XXYLT1: variants seen among roughly 807,000 people sequenced by gnomAD.
The protein encoded by XXYLT1 is UDP-xylose:alpha-xyloside alpha-1,3-xylosyltransferase.
Under a neutral mutation model 28.9 loss-of-function variants are expected in XXYLT1, and 20 were observed. The ratio of observed to expected loss-of-function variants is 0.69; its 90% confidence interval spans 0.49 to 1.00. XXYLT1 has a LOEUF of 1.00. Among genes scored for constraint, XXYLT1 ranks in the 50% least tolerant of loss-of-function variants. The probability of loss-of-function intolerance (pLI) is 0.00; values close to 1 mark genes in which losing one functional copy is unlikely to be tolerated. For synonymous variants in XXYLT1, 257 were observed against 253.8 expected, an observed-to-expected ratio of 1.01 and a Z score of -0.12; for missense variants, 542 against 560.1, an observed-to-expected ratio of 0.97 and a Z score of 0.33.
At chr3:195,270,295 G>A (rs1725975496) in intron 1 of XXYLT1, 2 of 796,690 alleles carry the variant, frequency 2.5e-6, no homozygotes, top group Admixed American at 3.6e-5. Context: ...TCTCCTGGGG[G>A]CTGCGCTTAA....
intron 2 of XXYLT1, among the ~76,000 whole-genome samples, chr3:195,164,415 G>A (rs1358317606): frequency 1.3e-5 from 2 of 152,224 alleles, no homozygotes; most frequent in East Asian, 1.9e-4. Context: ...AACAAGATCC[G>A]TGCCTGCCAG....
rs138718996 is a variant in XXYLT1, at chr3:195,264,533, C to T, written c.504+6022G>A. ...ACACTGACAACCACACACTTGCTATCTCTGCAGCCTGCTTTATTTCTCTCT... is the reference window on the plus strand; with the variant it reads ...ACACTGACAACCACACACTTGCTATTTCTGCAGCCTGCTTTATTTCTCTCT... On this transcript the variant is annotated intron_variant, in intron 1 of 3. Coordinates refer to ENST00000310380, the MANE Select transcript of XXYLT1 (RefSeq NM_152531.5). 8.2e-3 allele frequency among the ~76,000 whole-genome samples: 1,247 copies of T among 152,344 alleles called. 15 individuals are homozygous for T. Among genetic ancestry groups the T allele is most frequent in the African/African-American group, 0.027 (1,143 of 41,578 alleles).
In XXYLT1 at chr3:195,069,132, G is replaced by A. The variant is rs1714655660; in HGVS notation, c.*583C>T. On this transcript the variant is annotated 3_prime_UTR_variant, in exon 4 of 4. Transcript: ENST00000310380. ...TCCTGAAGTCCTTCCTCAAAGAGGC[G>A]ATCCTGAAACCTACACCAAGTGACG... 2.0e-5 allele frequency: 3 copies of A among 152,614 alleles called. No homozygotes were observed. The highest frequency in any genetic ancestry group is 2.1e-4 in the South Asian group (1 of 4,840). The allele number at this position is 152,614 out of a possible 1,614,324, so 9.5% of individuals were successfully genotyped here.
In XXYLT1 at chr3:195,150,453, G is replaced by C. The variant is rs186412630; in HGVS notation, c.785+5996C>G. ...CTGCAGAGAAGCTTTCCTTCCGAGC[G>C]TCTGGAAGAACCCGAGGCTGGCACA... On this transcript the variant is annotated intron_variant, in intron 3 of 3. Coordinates refer to ENST00000310380, the MANE Select transcript of XXYLT1 (RefSeq NM_152531.5). This position sits in a 1 kb window ranked among gnomAD's most constrained non-coding sequence, Gnocchi z 4.7. 1.3e-5 allele frequency among the ~76,000 whole-genome samples: 2 copies of C among 152,210 alleles called. No homozygotes were observed. Among genetic ancestry groups the C allele is most frequent in the Non-Finnish European group, 2.9e-5 (2 of 68,040 alleles).
chr3:195,151,312 G>A (rs1720233245), intron 3 of XXYLT1, among the ~76,000 whole-genome samples: 1 of 152,180 alleles, frequency 6.6e-6, no homozygotes, highest in African/African-American at 2.4e-5. Flanking sequence ...GGGAGGCTGA[G>A]GCGGGCGGAT....
At chr3:195,225,798 G>A (rs1050595141) in intron 2 of XXYLT1, among the ~76,000 whole-genome samples, 3 of 152,166 alleles carry the variant, frequency 2.0e-5, no homozygotes, top group Non-Finnish European at 4.4e-5. Flanking sequence ...ATGCTAGTGA[G>A]TGAGTTCTCT....
At chr3:195,201,476 C>T (rs542249476) in intron 2 of XXYLT1, among the ~76,000 whole-genome samples, 13 of 152,318 alleles carry the variant, frequency 8.5e-5, no homozygotes, top group African/African-American at 2.9e-4. Flanking sequence ...AAGACTCAGA[C>T]GCTCCTCTCA....
chr3:195,162,909 C>G (rs1416950683), intron 2 of XXYLT1, among the ~76,000 whole-genome samples: 1 of 152,186 alleles, frequency 6.6e-6, no homozygotes, highest in Non-Finnish European at 1.5e-5. Context: ...ATCTGAAAAT[C>G]TTCCATTTCT....
chr3:195,119,287 C>G (rs933358170), intron 3 of XXYLT1, among the ~76,000 whole-genome samples: 1 of 109,558 alleles, frequency 9.1e-6, no homozygotes, highest in African/African-American at 3.4e-5. Context: ...CCATCTCAAA[C>G]AAAAAAAAAA....
intron 2 of XXYLT1, among the ~76,000 whole-genome samples, chr3:195,222,625 G>C (rs1723877858): frequency 6.6e-6 from 1 of 152,160 alleles, no homozygotes; most frequent in African/African-American, 2.4e-5. Flanking sequence ...AGAAAATATA[G>C]AAAGCAGCTA....
rs890342799 is a variant in XXYLT1 at position 195,271,111 on chromosome 3, G to A, written c.-53C>T. The A allele has an allele frequency of 5.1e-5, 65 of 1,282,852 alleles. 1 individual carries two copies. The highest frequency in any genetic ancestry group is 6.1e-5 in the Non-Finnish European group (62 of 1,017,710). 79.5% of individuals were successfully genotyped at this position (1,282,852 alleles called of 1,614,324 possible). ...GCCAGCAACGCGGGAGAGCCCTCGG[G>A]TACCCGGACGCCGGCGGCCACTTAG... is the stretch of plus-strand genomic sequence containing the variant. On this transcript the variant is annotated 5_prime_UTR_variant, in exon 1 of 4. Coordinates refer to ENST00000310380, the MANE Select transcript of XXYLT1 (RefSeq NM_152531.5).
At chr3:195,156,962 G>A (rs897152854) in intron 2 of XXYLT1, among the ~76,000 whole-genome samples, 2 of 152,050 alleles carry the variant, frequency 1.3e-5, no homozygotes, top group Non-Finnish European at 2.9e-5. Context: ...AACTCAAAGC[G>A]GGCCGGGCAC....
chr3:195,238,734 C>G (rs116272799), intron 1 of XXYLT1, among the ~76,000 whole-genome samples: 1 of 152,134 alleles, frequency 6.6e-6, no homozygotes, highest in African/African-American at 2.4e-5. Context: ...TCCCAGTCCC[C>G]GAAATGCCTT....
intron 3 of XXYLT1, among the ~76,000 whole-genome samples, chr3:195,131,240 C>T (rs145999638): frequency 1.7e-3 from 259 of 152,344 alleles, no homozygotes; most frequent in Non-Finnish European, 3.2e-3. Context: ...GCCGAACCAC[C>T]CTCTTTCCGT....
chr3:195,206,690 A>G (rs1560151907), intron 2 of XXYLT1, among the ~76,000 whole-genome samples: 1 of 151,930 alleles, frequency 6.6e-6, no homozygotes, highest in African/African-American at 2.4e-5. Context: ...AGTCACTTGA[A>G]CCTGGAAGGC....
Position 195,115,748 on chromosome 3 carries a change from G to C in XXYLT1, c.785+40701C>G, listed in dbSNP as rs1360382530. Among the ~76,000 whole-genome samples, 1 of 147,736 alleles carries C rather than the reference G, an allele frequency of 6.8e-6. No homozygotes were observed. The highest frequency in any genetic ancestry group is 2.5e-5 in the African/African-American group (1 of 39,976). On this transcript the variant is annotated intron_variant, in intron 3 of 3. Coordinates refer to ENST00000310380, the MANE Select transcript of XXYLT1 (RefSeq NM_152531.5). This position sits in a 1 kb window ranked among gnomAD's most constrained non-coding sequence, Gnocchi z 4.2. ...GTGTTCACGTCCGAGGTGGAGGAAG[G>C]AGGGCGGCAGGTGCAGGCCAGGACC... is the stretch of plus-strand genomic sequence containing the variant.
At chr3:195,121,085 C>A (rs1718335259) in intron 3 of XXYLT1, among the ~76,000 whole-genome samples, 2 of 152,212 alleles carry the variant, frequency 1.3e-5, no homozygotes, top group Non-Finnish European at 2.9e-5. Context: ...CCCCCATGCT[C>A]CCAGGGCCCA....
intron 1 of XXYLT1, among the ~76,000 whole-genome samples, chr3:195,237,411 C>A (rs1348657899): frequency 1.3e-5 from 2 of 152,162 alleles, no homozygotes; most frequent in Non-Finnish European, 2.9e-5. Flanking sequence ...TCTCTCTGAG[C>A]ACCATGTGGC....
chr3:195,252,650 T>C (rs1725300909), intron 1 of XXYLT1, among the ~76,000 whole-genome samples: 1 of 133,518 alleles, frequency 7.5e-6, no homozygotes, highest in South Asian at 2.3e-4. Flanking sequence ...TTGTGGAGAA[T>C]CAAGGAAGGT....
Sources: allele counts gnomAD v4.1 joint callset (sites outside exome capture counted in the v4.1 genomes callset), GRCh38; gene constraint gnomAD v4.1.1; non-coding constraint Gnocchi (gnomAD v3.1); transcripts MANE v1.5; gene names NCBI Gene and HGNC (gene_info 2026-07-23, HGNC 2026-07-21).